ZNF536: variants seen among roughly 807,000 people sequenced by gnomAD.
ZNF536 encodes the protein zinc finger protein 536.
Under a neutral mutation model 84.5 loss-of-function variants are expected in ZNF536, and 13 were observed. That is an observed-to-expected ratio of 0.15 (90% CI 0.10 to 0.24). ZNF536 has a LOEUF of 0.24. Ranked by LOEUF, ZNF536 falls within the 10% of genes least tolerant of loss-of-function variation. The probability of loss-of-function intolerance (pLI) is 1.00; values close to 1 mark genes in which losing one functional copy is unlikely to be tolerated. For synonymous variants in ZNF536, 811 were observed against 742.5 expected (o/e 1.09, Z -1.50); for missense variants, 1,536 against 1,747.5 (o/e 0.88, Z 2.16).
At chr19:30,655,932 G>A (rs540919548) in intron 1 of ZNF536, among the ~76,000 whole-genome samples, 2 of 152,258 alleles carry the variant, frequency 1.3e-5, no homozygotes, top group East Asian at 3.9e-4. Flanking sequence ...CCAGCTACCT[G>A]GGAGGCTGCA....
rs148712236 is a variant in ZNF536, at chr19:30,342,191, TTAGA to T, written c.-119-10173_-119-10170del. Among the ~76,000 whole-genome samples, 1,312 of 152,362 alleles carry T rather than the reference TTAGA, an allele frequency of 8.6e-3. 26 individuals carry two copies. Among genetic ancestry groups the T allele is most frequent in the African/African-American group, 0.03 (1,248 of 41,592 alleles). On this transcript the variant is annotated intron_variant, in intron 2 of 5. Coordinates refer to the ZNF536 transcript ENST00000585628. The stretch of plus-strand genomic sequence containing the variant: ...ATCATTTTAGATGTATAAGTCATAG[TTAGA>T]TAGCCAGAAAAATGTTTAGTTGCAT...
chr19:30,283,744 A>AGAGAGAGAGAGG (rs924191777), intron 1 of ZNF536, among the ~76,000 whole-genome samples: 1 of 90,652 alleles, frequency 1.1e-5, no homozygotes. Flanking sequence ...AGAGAGAGGG[A>AGAGAGAGAGAGG]GAGAGAGAGA....
intron 1 of ZNF536, among the ~76,000 whole-genome samples, chr19:30,645,114 G>A (rs1348654788): frequency 6.6e-6 from 1 of 152,160 alleles, no homozygotes; most frequent in South Asian, 2.1e-4. Flanking sequence ...TTCTCTGATG[G>A]CCAGTGATGT....
intron 2 of ZNF536, among the ~76,000 whole-genome samples, chr19:30,319,538 C>T (rs2046790461): frequency 6.6e-6 from 1 of 152,142 alleles, no homozygotes; most frequent in South Asian, 2.1e-4. Flanking sequence ...CAAAGGCTTC[C>T]AAGAATAGTC....
chr19:30,532,423 G>A (rs775916544), intron 2 of ZNF536, among the ~76,000 whole-genome samples: 1 of 152,100 alleles, frequency 6.6e-6, no homozygotes. Context: ...AAGCCACCAT[G>A]CCCGGCCCAA....
At chr19:30,420,684 G>GA (rs1337752107) in intron 1 of ZNF536, among the ~76,000 whole-genome samples, 18 of 149,560 alleles carry the variant, frequency 1.2e-4, no homozygotes, top group African/African-American at 2.2e-4. Context: ...GCCCTCTGAG[G>GA]AAAAAAAAAG....
At chr19:30,412,566 T>C (rs1315469918) in intron 1 of ZNF536, among the ~76,000 whole-genome samples, 1 of 152,072 alleles carries the variant, frequency 6.6e-6, no homozygotes, top group East Asian at 1.9e-4. Context: ...ACTAATATTT[T>C]ATTTGATATT....
intron 2 of ZNF536, among the ~76,000 whole-genome samples, chr19:30,338,186 ATGG>A (rs2047445180): frequency 6.6e-6 from 1 of 151,660 alleles, no homozygotes; most frequent in South Asian, 2.1e-4. Context: ...GATGATGGTG[ATGG>A]TGGTGATGAT....
intron 1 of ZNF536, among the ~76,000 whole-genome samples, chr19:30,252,335 A>C (rs1350331967): frequency 6.6e-6 from 1 of 152,182 alleles, no homozygotes; most frequent in Non-Finnish European, 1.5e-5. Context: ...ACTCCCTGGA[A>C]TTCTTGTTGG....
intron 2 of ZNF536, among the ~76,000 whole-genome samples, chr19:30,472,455 A>T (rs1202337777): frequency 6.6e-6 from 1 of 152,156 alleles, no homozygotes; most frequent in East Asian, 1.9e-4. Context: ...CCAGAGAAAG[A>T]TTATGTAAAC....
At chr19:30,480,657 T>C (rs2054041967) in intron 2 of ZNF536, among the ~76,000 whole-genome samples, 1 of 152,140 alleles carries the variant, frequency 6.6e-6, no homozygotes, top group South Asian at 2.1e-4. Flanking sequence ...ATGGCACATG[T>C]ATACCTATGT....
intron 1 of ZNF536, among the ~76,000 whole-genome samples, chr19:30,264,930 CGTGTGTGTGTGT>C (rs71333450): frequency 8.8e-4 from 120 of 135,720 alleles, no homozygotes; most frequent in Non-Finnish European, 1.5e-3. Flanking sequence ...TGTCAATAGT[CGTGTGTGTGTGT>C]GTGTGTGTGT....
At chr19:30,441,545 T>C (rs1272638419) in intron 1 of ZNF536, among the ~76,000 whole-genome samples, 3 of 152,184 alleles carry the variant, frequency 2.0e-5, no homozygotes, top group Non-Finnish European at 2.9e-5. Flanking sequence ...GACTGGCACA[T>C]GGAAGGATCT....
In ZNF536 at chr19:30,480,622, G is replaced by A. The variant is rs185810934; in HGVS notation, c.2170+34890G>A. Among the ~76,000 whole-genome samples the A allele has an allele frequency of 1.3e-4, 20 of 152,094 alleles. No homozygotes were observed. The East Asian group carries it at 2.9e-3, about 22-fold the overall frequency. ...ATGCAGGGCTTAAAACCTAGATGAC[G>A]GATTGATAGGTGCAGCAAACCACCA... On this transcript the variant is annotated intron_variant, in intron 2 of 4. Transcript: ENST00000355537.
At chr19:30,237,286 C>A (rs142284285) in intron 1 of ZNF536, among the ~76,000 whole-genome samples, 99 of 152,218 alleles carry the variant, frequency 6.5e-4, no homozygotes, top group African/African-American at 2.3e-3. Flanking sequence ...CAGCTGCTTC[C>A]TTCCCCGGGA....
chr19:30,707,515 G>A (rs776281103), intron 1 of ZNF536, among the ~76,000 whole-genome samples: 10 of 152,070 alleles, frequency 6.6e-5, no homozygotes, highest in African/African-American at 1.2e-4. Context: ...CTGGCCCCTC[G>A]TGCTAGCTGT....
chr19:30,380,592 G>T (rs1009133745), intron 1 of ZNF536, among the ~76,000 whole-genome samples: 1 of 152,154 alleles, frequency 6.6e-6, no homozygotes, highest in Non-Finnish European at 1.5e-5. Context: ...TTCAAACTCT[G>T]CAGGAAAACC....
chr19:30,707,217 C>A lies in ZNF536; in HGVS notation c.170-3540C>A, dbSNP rs553105589. Among the ~76,000 whole-genome samples, 6 of 152,284 alleles carry A rather than the reference C, an allele frequency of 3.9e-5. No homozygotes were observed. The East Asian group carries it at 1.2e-3, about 29-fold the overall frequency. ...CCAGCTTAGTCCTGACTTAGATTCACCATTAAGGTACGGAGAATGGGTGTG... is the reference window on the plus strand; with the variant it reads ...CCAGCTTAGTCCTGACTTAGATTCAACATTAAGGTACGGAGAATGGGTGTG... On this transcript the variant is annotated intron_variant, in intron 1 of 1. Coordinates refer to the ZNF536 transcript ENST00000592773.
chr19:30,242,585 G>A (rs139079699), intron 1 of ZNF536, among the ~76,000 whole-genome samples: 1 of 152,272 alleles, frequency 6.6e-6, no homozygotes, highest in African/African-American at 2.4e-5. Flanking sequence ...CAGGGTCCCT[G>A]CCCCCAAGGG....
Sources: allele counts gnomAD v4.1 joint callset (sites outside exome capture counted in the v4.1 genomes callset), GRCh38; gene constraint gnomAD v4.1.1; transcripts MANE v1.5; gene names NCBI Gene and HGNC (gene_info 2026-07-23, HGNC 2026-07-21).